The following GALNT13 variants were observed in gnomAD, a reference collection of about 807,000 sequenced individuals.
The protein encoded by GALNT13 is UDP-GalNAc:polypeptide N-acetylgalactosaminyltransferase 13.
Under a neutral mutation model 64.2 loss-of-function variants are expected in GALNT13, and 28 were observed. That is an observed-to-expected ratio of 0.44 (90% CI 0.32 to 0.60). GALNT13 has a LOEUF of 0.60. Ranked by LOEUF, GALNT13 falls within the 20% of genes least tolerant of loss-of-function variation. The pLI is 0.05. For missense variants in GALNT13, 577 were observed against 669.8 expected (o/e 0.86, Z 1.53); for synonymous variants, 214 against 224.6 (o/e 0.95, Z 0.42).
intron 4 of GALNT13, among the ~76,000 whole-genome samples, chr2:154,148,141 G>A (rs1355768337): frequency 1.3e-5 from 2 of 151,320 alleles, no homozygotes; most frequent in East Asian, 2.0e-4. Context: ...TGTTCTCATT[G>A]TTCAGTTCCC....
chr2:153,657,283 A>G, the GALNT13 span, among the ~76,000 whole-genome samples: 1 of 152,096 alleles, frequency 6.6e-6, no homozygotes, highest in South Asian at 2.1e-4. Context: ...AATTTTTTGA[A>G]TGGGAGAGTT....
chr2:153,639,675 T>TG, the GALNT13 span, among the ~76,000 whole-genome samples: 1 of 152,182 alleles, frequency 6.6e-6, no homozygotes, highest in South Asian at 2.1e-4. Context: ...AAACTCACGA[T>TG]GGAGGAGAAT....
the GALNT13 span, among the ~76,000 whole-genome samples, chr2:153,100,799 C>T: frequency 6.6e-6 from 1 of 152,140 alleles, no homozygotes; most frequent in Admixed American, 6.5e-5. Flanking sequence ...GGGGCTGAGG[C>T]AGGGAGATCT....
At chr2:153,438,883 G>C in the GALNT13 span, among the ~76,000 whole-genome samples, 3 of 152,144 alleles carry the variant, frequency 2.0e-5, no homozygotes, top group African/African-American at 4.8e-5. Flanking sequence ...TCCTTTGGAG[G>C]GGGAGAGGCG....
chr2:153,981,490 A>C (rs1694459558), intron 3 of GALNT13, among the ~76,000 whole-genome samples: 1 of 152,002 alleles, frequency 6.6e-6, no homozygotes, highest in African/African-American at 2.4e-5. Context: ...TTCTTGCGAT[A>C]GTTTACTGAG....
the GALNT13 span, among the ~76,000 whole-genome samples, chr2:153,252,566 T>C: frequency 6.6e-5 from 10 of 151,926 alleles, 2 homozygotes; most frequent in Middle Eastern, 0.01. Context: ...TCCTGAATGG[T>C]ATTGCCTAGG....
At position 154,101,171 on chromosome 2, in the gene GALNT13, G is replaced by A. The variant is rs146271304; in HGVS notation, c.143-39166G>A. On this transcript the variant is annotated intron_variant, in intron 3 of 12. Coordinates refer to ENST00000392825, the MANE Select transcript of GALNT13 (RefSeq NM_052917.4). ...GGATATTTTTGTTGTTGTTGTTGTT[G>A]TTGTTGTATCCTTCCCTGATTTTGG... Among the ~76,000 whole-genome samples the A allele has an allele frequency of 3.8e-3, 582 of 151,900 alleles. 2 individuals are homozygous for A. Among genetic ancestry groups the A allele is most frequent in the African/African-American group, 0.013 (557 of 41,422 alleles).
At chr2:153,914,668 A>T (rs1264627816) in intron 2 of GALNT13, among the ~76,000 whole-genome samples, 1 of 152,064 alleles carries the variant, frequency 6.6e-6, no homozygotes, top group African/African-American at 2.4e-5. Flanking sequence ...TGAGATTATC[A>T]AATTATCTCT....
At chr2:154,293,660 T>A (rs1443917250) in intron 8 of GALNT13, among the ~76,000 whole-genome samples, 1 of 152,146 alleles carries the variant, frequency 6.6e-6, no homozygotes. Flanking sequence ...ATACATAGCA[T>A]GTGACAGAGC....
At chr2:154,161,867 A>G (rs1033341938) in intron 4 of GALNT13, among the ~76,000 whole-genome samples, 1 of 150,096 alleles carries the variant, frequency 6.7e-6, no homozygotes, top group Non-Finnish European at 1.5e-5. Flanking sequence ...TGCAAGCTCC[A>G]CCTCCCGGGT....
chr2:153,677,244 T>C, the GALNT13 span, among the ~76,000 whole-genome samples: 63 of 150,556 alleles, frequency 4.2e-4, no homozygotes, highest in African/African-American at 1.5e-3. Context: ...CATTTGAGCT[T>C]GGAACCAAAT....
the GALNT13 span, among the ~76,000 whole-genome samples, chr2:153,778,296 C>G: frequency 2.0e-5 from 3 of 152,172 alleles, no homozygotes; most frequent in Admixed American, 2.0e-4. Context: ...CATGGCAGGC[C>G]AGGGTGGTCC....
At chr2:153,632,286 C>T in the GALNT13 span, among the ~76,000 whole-genome samples, 10,832 of 152,148 alleles carry the variant, frequency 0.071, 506 homozygotes, top group East Asian at 0.14. Context: ...TGTCCCTAGC[C>T]CCCGCTGAGT....
chr2:153,733,715 G>A, the GALNT13 span, among the ~76,000 whole-genome samples: 1 of 152,162 alleles, frequency 6.6e-6, no homozygotes, highest in African/African-American at 2.4e-5. Flanking sequence ...TGGCAGTAAC[G>A]TGATGGTGGA....
chr2:153,985,564 T>C (rs577672349), intron 3 of GALNT13, among the ~76,000 whole-genome samples: 1 of 152,124 alleles, frequency 6.6e-6, no homozygotes, highest in East Asian at 1.9e-4. Flanking sequence ...GTACCCGGCA[T>C]AATAGTTACC....
At chr2:153,177,486 T>G in the GALNT13 span, among the ~76,000 whole-genome samples, 1 of 152,122 alleles carries the variant, frequency 6.6e-6, no homozygotes, top group South Asian at 2.1e-4. Flanking sequence ...GTAGATGGAT[T>G]AATACCTTAG....
chr2:153,715,832 CCTTT>C, the GALNT13 span, among the ~76,000 whole-genome samples: 1 of 147,050 alleles, frequency 6.8e-6, no homozygotes, highest in African/African-American at 2.5e-5. Flanking sequence ...TCTTCTTCTT[CCTTT>C]TTTTTTTTTT....
chr2:153,343,656 T>C, the GALNT13 span, among the ~76,000 whole-genome samples: 1 of 152,182 alleles, frequency 6.6e-6, no homozygotes, highest in African/African-American at 2.4e-5. Flanking sequence ...TTTAAAATAA[T>C]GGACATCACA....
chr2:153,567,818 G>A, the GALNT13 span, among the ~76,000 whole-genome samples: 8 of 152,156 alleles, frequency 5.3e-5, no homozygotes, highest in East Asian at 1.9e-4. Context: ...ATTAATCTAC[G>A]GGAATCAGGT....
Sources: allele counts gnomAD v4.1 joint callset (sites outside exome capture counted in the v4.1 genomes callset), GRCh38; gene constraint gnomAD v4.1.1; transcripts MANE v1.5; gene names NCBI Gene and HGNC (gene_info 2026-07-23, HGNC 2026-07-21).